The following NDST4 variants were observed in gnomAD, a reference collection of about 807,000 sequenced individuals.
The protein encoded by NDST4 is N-heparan sulfate sulfotransferase 4.
NDST4 carries 63 observed loss-of-function variants against 100.8 expected under a neutral mutation model. The ratio of observed to expected loss-of-function variants is 0.62; its 90% CI spans 0.51 to 0.77. NDST4 has a LOEUF of 0.77. Ranked by LOEUF, NDST4 falls within the 30% of genes least tolerant of loss-of-function variation. NDST4 has a pLI of 0.00. For synonymous variants in NDST4, 377 were observed against 361.8 expected, an observed-to-expected ratio of 1.04 and a Z score of -0.48; for missense variants, 943 against 1,018.4, an observed-to-expected ratio of 0.93 and a Z score of 1.01.
chr4:115,085,427 G>A (rs1319612287), intron 1 of NDST4, among the ~76,000 whole-genome samples: 1 of 152,112 alleles, frequency 6.6e-6, no homozygotes, highest in Non-Finnish European at 1.5e-5. Context: ...ATGAGATTTG[G>A]GAGGGGCAGG....
At chr4:114,979,891 T>A (rs1455946771) in intron 2 of NDST4, among the ~76,000 whole-genome samples, 1 of 152,148 alleles carries the variant, frequency 6.6e-6, no homozygotes, top group Non-Finnish European at 1.5e-5. Context: ...GGCTTCCTTG[T>A]TTAGTACAAG....
chr4:115,073,174 T>C (rs937276645), intron 2 of NDST4, among the ~76,000 whole-genome samples: 1 of 152,010 alleles, frequency 6.6e-6, no homozygotes, highest in Non-Finnish European at 1.5e-5. Flanking sequence ...TAATAAGTGT[T>C]GGCAGGGATG....
chr4:114,964,762 T>A (rs1217974721), intron 4 of NDST4, among the ~76,000 whole-genome samples: 1 of 152,158 alleles, frequency 6.6e-6, no homozygotes, highest in Non-Finnish European at 1.5e-5. Context: ...TCTTTTCTCA[T>A]TTCCTTCAGT....
At chr4:114,948,275 C>G (rs966785066) in intron 4 of NDST4, among the ~76,000 whole-genome samples, 1 of 148,516 alleles carries the variant, frequency 6.7e-6, no homozygotes. Context: ...TCACTTCCCT[C>G]CCCCACCCCC....
intron 2 of NDST4, among the ~76,000 whole-genome samples, chr4:115,068,900 A>G (rs187497410): frequency 2.8e-4 from 43 of 152,176 alleles, no homozygotes; most frequent in Non-Finnish European, 5.0e-4. Flanking sequence ...AAAAGACAAT[A>G]TAATAATTGT....
chr4:114,917,958 T>A (rs978696751), intron 6 of NDST4, among the ~76,000 whole-genome samples: 1 of 152,150 alleles, frequency 6.6e-6, no homozygotes, highest in Non-Finnish European at 1.5e-5. Flanking sequence ...CAAAAAGAGA[T>A]TTATTACATT....
chr4:114,872,041 T>TAA lies in NDST4; in HGVS notation c.1537-1092_1537-1091insTT, dbSNP rs562361550. ...ATTTGTATGGAAACTCGCTGACACT[T>TAA]TTTTAAGGGTTTATGTTTCTTGGTG... On this transcript the variant is annotated intron_variant, in intron 6 of 13. Transcript: ENST00000264363. Among the ~76,000 whole-genome samples, 17 of 152,074 alleles carry TAA rather than the reference T, an allele frequency of 1.1e-4. No homozygotes were observed. The South Asian group carries it at 3.1e-3, about 28-fold the overall frequency.
At chr4:115,084,771 T>C (rs1157082534) in intron 1 of NDST4, among the ~76,000 whole-genome samples, 2 of 152,104 alleles carry the variant, frequency 1.3e-5, no homozygotes, top group African/African-American at 2.4e-5. Flanking sequence ...ATTCAGAGGA[T>C]GTATGGAAAT....
At chr4:114,957,054 T>C (rs1399764229) in intron 4 of NDST4, among the ~76,000 whole-genome samples, 4 of 152,160 alleles carry the variant, frequency 2.6e-5, no homozygotes, top group Non-Finnish European at 5.9e-5. Context: ...GACAAAGGTA[T>C]GATGACAATA....
At chr4:114,863,722 C>T (rs1723966557) in intron 7 of NDST4, among the ~76,000 whole-genome samples, 1 of 152,200 alleles carries the variant, frequency 6.6e-6, no homozygotes, top group Non-Finnish European at 1.5e-5. Flanking sequence ...GTACATGTAA[C>T]TCAGCTGTCA....
intron 7 of NDST4, among the ~76,000 whole-genome samples, chr4:114,853,789 T>A (rs991311272): frequency 6.6e-6 from 1 of 152,194 alleles, no homozygotes; most frequent in African/African-American, 2.4e-5. Flanking sequence ...TGTACTTTAA[T>A]CAGTTCCTTT....
In NDST4 at chr4:115,054,570, T is replaced by C. The variant is rs555927020; in HGVS notation, c.978+21489A>G. On this transcript the variant is annotated intron_variant, in intron 2 of 13. Coordinates refer to ENST00000264363, the MANE Select transcript of NDST4 (RefSeq NM_022569.3). Reference sequence around the variant, plus strand: ...TTTTTATTTTATATAGATTTTAACATATATAAGACAAAATATAGTTATTGG... The same window carrying C: ...TTTTTATTTTATATAGATTTTAACACATATAAGACAAAATATAGTTATTGG... Among the ~76,000 whole-genome samples, 12 of 152,290 alleles carry C rather than the reference T, an allele frequency of 7.9e-5. No homozygotes were observed. The East Asian group carries it at 2.3e-3, about 29-fold the overall frequency.
chr4:115,023,184 C>G (rs1480829908), intron 2 of NDST4, among the ~76,000 whole-genome samples: 2 of 152,040 alleles, frequency 1.3e-5, no homozygotes, highest in African/African-American at 2.4e-5. Flanking sequence ...CAAATCTCCA[C>G]TGAAGAACGT....
intron 6 of NDST4, among the ~76,000 whole-genome samples, chr4:114,881,353 G>C (rs542449091): frequency 4.6e-5 from 7 of 152,138 alleles, no homozygotes; most frequent in African/African-American, 1.4e-4. Flanking sequence ...TTTGACGTCA[G>C]GGATGGAAAA....
At chr4:114,991,896 TTGTACATATGCCTTCAA>T (rs1727047749) in intron 2 of NDST4, among the ~76,000 whole-genome samples, 2 of 152,034 alleles carry the variant, frequency 1.3e-5, no homozygotes, top group Non-Finnish European at 2.9e-5. Context: ...ATATTTTTAT[TTGTACATATGCCTTCAA>T]TAACTTTAAT....
intron 7 of NDST4, among the ~76,000 whole-genome samples, chr4:114,861,179 A>G (rs561932017): frequency 1.3e-5 from 2 of 152,340 alleles, no homozygotes; most frequent in African/African-American, 4.8e-5. Context: ...GCTTAAGCTA[A>G]TATCTACCAT....
At chr4:115,106,082 A>G (rs1241180168) in intron 1 of NDST4, among the ~76,000 whole-genome samples, 2 of 152,120 alleles carry the variant, frequency 1.3e-5, no homozygotes, top group Admixed American at 6.6e-5. Context: ...CAGCAATTAC[A>G]TCATAAGGTA....
At chr4:114,942,599 A>G (rs925384276) in intron 4 of NDST4, among the ~76,000 whole-genome samples, 5 of 152,102 alleles carry the variant, frequency 3.3e-5, no homozygotes, top group Admixed American at 1.3e-4. Context: ...GCAATTCAAT[A>G]TAATAAATTG....
chr4:114,970,739 G>C (rs543324133), intron 3 of NDST4, among the ~76,000 whole-genome samples, 155 bp from the exon 4 acceptor site: 12 of 152,242 alleles, frequency 7.9e-5, no homozygotes, highest in African/African-American at 2.9e-4. Flanking sequence ...AGTCTAAAAT[G>C]AATCAAAGGC....
Sources: gnomAD v4.1 joint callset for allele counts (sites outside exome capture counted in the v4.1 genomes callset) on GRCh38, gnomAD v4.1.1 for gene constraint, MANE v1.5 for transcripts, NCBI Gene and HGNC (gene_info 2026-07-23, HGNC 2026-07-21) for gene names.